Variants in SMAP1 observed in about 807,000 individuals in gnomAD.
SMAP1 encodes the protein small ArfGAP 1.
In SMAP1, 24 loss-of-function variants were observed where a neutral mutation model predicts 58.5. The ratio of observed to expected loss-of-function variants is 0.41; its 90% confidence interval spans 0.30 to 0.58. The LOEUF (loss-of-function observed/expected upper bound fraction) is 0.58, where lower values mean the gene tolerates loss of function less well. SMAP1 is among the 20% of genes least tolerant of loss of function. The probability of loss-of-function intolerance (pLI) is 0.29; values close to 1 mark genes in which losing one functional copy is unlikely to be tolerated. For synonymous variants in SMAP1, 216 were observed against 196.6 expected (o/e 1.10, Z -0.82); for missense variants, 563 against 566.3 (o/e 0.99, Z 0.06).
intron 1 of SMAP1, among the ~76,000 whole-genome samples, chr6:70,693,663 T>C (rs982504868): frequency 2.0e-5 from 3 of 152,146 alleles, no homozygotes; most frequent in African/African-American, 7.2e-5. Context: ...GTGTGGACAT[T>C]GTAACAATAT....
chr6:70,724,152 TTG>T (rs1768658425), intron 1 of SMAP1, among the ~76,000 whole-genome samples: 6 of 138,826 alleles, frequency 4.3e-5, no homozygotes, highest in Non-Finnish European at 4.8e-5. Context: ...TTTTTTTTTG[TTG>T]TTGTTGTTGT....
chr6:70,700,993 A>C (rs1767604041), intron 1 of SMAP1, among the ~76,000 whole-genome samples: 1 of 152,084 alleles, frequency 6.6e-6, no homozygotes, highest in African/African-American at 2.4e-5. Flanking sequence ...CTTGTGGATG[A>C]ACTGATATCC....
intron 3 of SMAP1, among the ~76,000 whole-genome samples, chr6:70,761,617 C>T (rs957290525): frequency 6.6e-6 from 1 of 151,964 alleles, no homozygotes; most frequent in African/African-American, 2.4e-5. Flanking sequence ...AATTCTGTTT[C>T]CTCTTGCTAC....
In SMAP1 at chr6:70,730,758, A is replaced by G. The variant is rs138822767; in HGVS notation, c.119-1620A>G. Among the ~76,000 whole-genome samples the G allele has an allele frequency of 4.1e-4, 63 of 152,260 alleles. No homozygotes were observed. The East Asian group carries it at 0.012, about 29-fold the overall frequency. ...GCAGTGTCACCTTTAGATAAACAGC[A>G]TGTACTTAAAACAGAAGGCTATGTT... On this transcript the variant is annotated intron_variant, in intron 1 of 10. Coordinates refer to ENST00000370455, the MANE Select transcript of SMAP1 (RefSeq NM_001044305.3).
intron 4 of SMAP1, among the ~76,000 whole-genome samples, chr6:70,789,724 C>CAA (rs35376781): frequency 0.087 from 6,333 of 72,842 alleles, 376 homozygotes; most frequent in Non-Finnish European, 0.12. Flanking sequence ...GACTCTGTCT[C>CAA]AAAAAAAAAA....
intron 1 of SMAP1, among the ~76,000 whole-genome samples, chr6:70,716,774 T>C (rs1450578641): frequency 6.6e-6 from 1 of 152,170 alleles, no homozygotes; most frequent in African/African-American, 2.4e-5. Context: ...TATGCATTGC[T>C]CTGTTGAGCT....
chr6:70,757,678 A>T (rs908674908), intron 3 of SMAP1, among the ~76,000 whole-genome samples: 1 of 151,974 alleles, frequency 6.6e-6, no homozygotes, highest in Non-Finnish European at 1.5e-5. Context: ...TACAAGAAAA[A>T]AACAAACAAC....
chr6:70,783,728 GA>G (rs1175126511), intron 4 of SMAP1, among the ~76,000 whole-genome samples: 1 of 152,164 alleles, frequency 6.6e-6, no homozygotes, highest in African/African-American at 2.4e-5. Context: ...TGAATGAAAT[GA>G]AGCGAGAAAG....
chr6:70,744,713 G>A (rs1017035489), intron 2 of SMAP1, among the ~76,000 whole-genome samples: 1 of 152,188 alleles, frequency 6.6e-6, no homozygotes, highest in Admixed American at 6.5e-5. Context: ...GGGTCAAATG[G>A]CATTTCTAGT....
intron 1 of SMAP1, among the ~76,000 whole-genome samples, chr6:70,696,362 T>C (rs1431507273): frequency 6.6e-6 from 1 of 152,172 alleles, no homozygotes; most frequent in Non-Finnish European, 1.5e-5. Context: ...GTCTTCTGCT[T>C]TTTTAGTGTA....
intron 6 of SMAP1, among the ~76,000 whole-genome samples, chr6:70,813,180 T>C (rs897279865): frequency 2.6e-5 from 4 of 152,146 alleles, no homozygotes; most frequent in African/African-American, 9.7e-5. Context: ...ATTTTACCTT[T>C]AATGGTAATG....
chr6:70,796,883 CCTAGT>C (rs1476786261), intron 5 of SMAP1, among the ~76,000 whole-genome samples: 1 of 152,112 alleles, frequency 6.6e-6, no homozygotes, highest in Non-Finnish European at 1.5e-5. Context: ...TTTAGAGAAT[CCTAGT>C]CTAAAGGAGC....
At chr6:70,755,889 T>G (rs1355489315) in intron 3 of SMAP1, among the ~76,000 whole-genome samples, 1 of 152,038 alleles carries the variant, frequency 6.6e-6, no homozygotes. Flanking sequence ...CATAGTATTT[T>G]TTACATAGCG....
At chr6:70,748,014 A>C (rs2149881119) in intron 2 of SMAP1, among the ~76,000 whole-genome samples, 1 of 152,324 alleles carries the variant, frequency 6.6e-6, no homozygotes, top group East Asian at 1.9e-4. Context: ...TATGAAACTG[A>C]AGGAATGGAC....
intron 1 of SMAP1, among the ~76,000 whole-genome samples, chr6:70,695,317 T>C (rs1020641084): frequency 2.2e-4 from 33 of 152,312 alleles, no homozygotes; most frequent in Middle Eastern, 3.4e-3. Flanking sequence ...TTGACTATTA[T>C]GCTGAATAAC....
intron 6 of SMAP1, among the ~76,000 whole-genome samples, chr6:70,828,754 C>A (rs1372434861): frequency 6.6e-6 from 1 of 152,220 alleles, no homozygotes; most frequent in African/African-American, 2.4e-5. Context: ...CCATCTAGCA[C>A]CTTTCCCACT....
chr6:70,750,211 G>T (rs1766217887), intron 2 of SMAP1, among the ~76,000 whole-genome samples: 1 of 152,054 alleles, frequency 6.6e-6, no homozygotes, highest in Admixed American at 6.6e-5. Context: ...GAGATGCCCT[G>T]TTGACATAAA....
chr6:70,807,791 T>TATATATAATA, intron 6 of SMAP1, among the ~76,000 whole-genome samples: 1 of 152,116 alleles, frequency 6.6e-6, no homozygotes, highest in Non-Finnish European at 1.5e-5. Context: ...TATATACAGG[T>TATATATAATA]GACACTAGAA....
chr6:70,810,848 T>C (rs920777460), intron 6 of SMAP1, among the ~76,000 whole-genome samples: 1 of 152,194 alleles, frequency 6.6e-6, no homozygotes, highest in Non-Finnish European at 1.5e-5. Flanking sequence ...CTCCCCTTTT[T>C]TTATTGATAC....
Sources: allele counts gnomAD v4.1 joint callset (sites outside exome capture counted in the v4.1 genomes callset), GRCh38; gene constraint gnomAD v4.1.1; transcripts MANE v1.5; gene names NCBI Gene and HGNC (gene_info 2026-07-23, HGNC 2026-07-21).